The following FBXO47 variants were observed in gnomAD, a reference collection of about 807,000 sequenced individuals.
FBXO47 encodes F-box protein 47, also known as F-box only protein 47.
A neutral mutation model predicts 53.9 loss-of-function variants in FBXO47; 34 were observed. The ratio of observed to expected loss-of-function variants is 0.63; its 90% confidence interval spans 0.48 to 0.84. The LOEUF (loss-of-function observed/expected upper bound fraction) is 0.84. FBXO47 is among the 40% of genes least tolerant of loss of function. FBXO47 has a pLI of 0.00. For synonymous variants in FBXO47, 165 were observed against 181.6 expected (o/e 0.91, Z 0.73); for missense variants, 485 against 541.3 (o/e 0.90, Z 1.03).
At position 38,936,547 on chromosome 17, in the gene FBXO47, T is replaced by G. The variant is rs905159908; in HGVS notation, c.*628A>C. The G allele has an allele frequency of 6.6e-6, 1 of 152,206 alleles. No homozygotes were observed. The highest frequency in any genetic ancestry group is 1.5e-5 in the Non-Finnish European group (1 of 68,046). 9.4% of individuals were successfully genotyped at this position (152,206 alleles called of 1,614,324 possible). On this transcript the variant is annotated 3_prime_UTR_variant, in exon 11 of 11. Coordinates refer to ENST00000378079, the MANE Select transcript of FBXO47 (RefSeq NM_001008777.3). ...TACCTTCCTGTATGTATAGACCTTT[T>G]GTATGATTACCTTAAAGAAGGAAAT... is the stretch of plus-strand genomic sequence containing the variant.
chr17:38,944,886 CTAAA>C, intron 7 of FBXO47, 70 bp downstream of exon 7: 3 of 812,858 alleles, frequency 3.7e-6, no homozygotes, highest in African/African-American at 2.2e-5. Flanking sequence ...TATATGCTTC[CTAAA>C]TATATATATG....
chr17:38,945,132 A>T lies in FBXO47; in HGVS notation c.621T>A (p.Ser207Arg), dbSNP rs755227878. The T allele has an allele frequency of 6.2e-7, 1 of 1,606,882 alleles. No individual in the cohort carries two copies. Among genetic ancestry groups the T allele is most frequent in the Non-Finnish European group, 8.5e-7 (1 of 1,173,906 alleles). The part of the protein sequence containing the change: ...IQMAVCSKPG[S>R]AQKLELRIRL... ...TGATTCTTAACTCCAGTTTTTGGGC[A>T]CTTCCTATGAAGACAAAAGAATTGT... Residue 207 changes from serine (S) to arginine (R), a missense_variant, in exon 7 of 11, where the codon AGT (serine) becomes AGA (arginine). Transcript: ENST00000378079.
Position 38,962,683 on chromosome 17 carries a change from T to G in FBXO47, c.181+162A>C, listed in dbSNP as rs536160094. Among the ~76,000 whole-genome samples, 3 of 151,010 alleles carry G rather than the reference T, an allele frequency of 2.0e-5. No individual in the cohort carries two copies. In the East Asian group the frequency reaches 5.8e-4, roughly 29 times the overall value. ...TAAGTATTGTGCTTTCTCATTGTAC[T>G]CCTTACCTGACAATAATGAAACTTT... On this transcript the variant is annotated intron_variant, in intron 2 of 10. Transcript: ENST00000378079.
intron 1 of FBXO47, among the ~76,000 whole-genome samples, chr17:38,965,377 G>A (rs1165832298): frequency 6.6e-6 from 1 of 151,992 alleles, no homozygotes; most frequent in Non-Finnish European, 1.5e-5. Context: ...AATTGCTAAA[G>A]TAACATTGTT....
chr17:38,945,284 T>TA (rs1010454213), intron 6 of FBXO47, 148 bp from the exon 7 acceptor site: 12 of 587,996 alleles, frequency 2.0e-5, no homozygotes, highest in Admixed American at 3.1e-5. Flanking sequence ...TATCTATTCT[T>TA]AAACTCCCCT....
At chr17:38,949,496 C>T (rs1598143508) in intron 6 of FBXO47, among the ~76,000 whole-genome samples, 1 of 152,192 alleles carries the variant, frequency 6.6e-6, no homozygotes, top group East Asian at 1.9e-4. Context: ...GCACAAGTTT[C>T]TGTGTGGTCA....
At chr17:38,948,686 G>A (rs142927480) in intron 6 of FBXO47, among the ~76,000 whole-genome samples, 1 of 151,798 alleles carries the variant, frequency 6.6e-6, no homozygotes, top group African/African-American at 2.4e-5. Flanking sequence ...TGCAAGATGT[G>A]CAGGTTACAC....
chr17:38,937,296 T>C lies in FBXO47; in HGVS notation c.1244-6A>G, dbSNP rs1476689037. 3 of 1,308,624 alleles carry C rather than the reference T, an allele frequency of 2.3e-6. No individual in the cohort carries two copies. The highest frequency in any genetic ancestry group is 3.2e-6 in the Non-Finnish European group (3 of 926,606). 81.1% of individuals were successfully genotyped at this position (1,308,624 alleles called of 1,614,324 possible). Reference sequence around the variant, plus strand: ...GTCATCTTCATCACGGTCTCCTATATGCCATACATAGTGGGGAAAAGAAAA... The same window carrying C: ...GTCATCTTCATCACGGTCTCCTATACGCCATACATAGTGGGGAAAAGAAAA... On this transcript the variant is annotated splice_region_variant and splice_polypyrimidine_tract_variant and intron_variant, in intron 10 of 10. Transcript: ENST00000378079.
At chr17:38,966,504 A>C (rs1906139507) in intron 1 of FBXO47, among the ~76,000 whole-genome samples, 1 of 152,170 alleles carries the variant, frequency 6.6e-6, no homozygotes, top group Non-Finnish European at 1.5e-5. Context: ...CCCGGCCAAC[A>C]CAGTAGGTGT....
intron 6 of FBXO47, among the ~76,000 whole-genome samples, chr17:38,950,462 A>ATTTT (rs71352328): frequency 7.8e-6 from 1 of 128,534 alleles, no homozygotes; most frequent in Non-Finnish European, 1.7e-5. Context: ...TGCCCGCCTA[A>ATTTT]TTTTTTTTTT....
intron 6 of FBXO47, among the ~76,000 whole-genome samples, chr17:38,946,382 A>ATATAGATATATATATAAC (rs1904839527): frequency 2.4e-5 from 2 of 84,906 alleles, no homozygotes; most frequent in African/African-American, 1.2e-4. Context: ...ATATATATAA[A>ATATAGATATATATATAAC]TATATATATC....
intron 10 of FBXO47, among the ~76,000 whole-genome samples, chr17:38,938,246 T>C (rs1157989492): frequency 6.6e-6 from 1 of 152,160 alleles, no homozygotes; most frequent in Non-Finnish European, 1.5e-5. Context: ...CTAGTGACAG[T>C]TGGTAAGTGA....
At chr17:38,939,133 A>T (rs1201262073) in intron 9 of FBXO47, among the ~76,000 whole-genome samples, 1 of 150,646 alleles carries the variant, frequency 6.6e-6, no homozygotes, top group African/African-American at 2.5e-5. Flanking sequence ...GTCTCTACTA[A>T]AATACAAAAA....
intron 6 of FBXO47, among the ~76,000 whole-genome samples, chr17:38,947,751 T>C (rs1268869008): frequency 1.3e-5 from 2 of 151,930 alleles, no homozygotes; most frequent in South Asian, 2.1e-4. Flanking sequence ...TTACTAAAAA[T>C]ACAAAAAAAT....
At chr17:38,950,847 AT>A (rs1905239878) in intron 6 of FBXO47, among the ~76,000 whole-genome samples, 1 of 152,098 alleles carries the variant, frequency 6.6e-6, no homozygotes, top group Non-Finnish European at 1.5e-5. Flanking sequence ...CTTATTCGAT[AT>A]TTATCATTCC....
Position 38,963,134 on chromosome 17 carries a change from T to C in FBXO47, c.-26-83A>G, listed in dbSNP as rs73301157. 5,796 of 861,394 alleles carry C rather than the reference T, an allele frequency of 6.7e-3. 241 individuals are homozygous for C. The African/African-American group carries it at 0.089, about 13-fold the overall frequency. The allele number at this position is 861,394 out of a possible 1,614,324, so 53.4% of individuals were successfully genotyped here. A position where few individuals can be genotyped will look rare whatever the true frequency, so the allele number is the denominator to read the frequency against. Reference sequence around the variant, plus strand: ...AGATTTTTTTTTTTAAACGAAGAGGTTGATAGTACGATATGCAATAGCTGT... The same window carrying C: ...AGATTTTTTTTTTTAAACGAAGAGGCTGATAGTACGATATGCAATAGCTGT... On this transcript the variant is annotated intron_variant, in intron 1 of 10. Coordinates refer to ENST00000378079, the MANE Select transcript of FBXO47 (RefSeq NM_001008777.3).
chr17:38,959,194 GACTA>G (rs747794016), intron 3 of FBXO47, among the ~76,000 whole-genome samples: 40 of 151,314 alleles, frequency 2.6e-4, no homozygotes, highest in Non-Finnish European at 3.8e-4. Context: ...ACCCTTTAGA[GACTA>G]ACTTTTTTAA....
At chr17:38,962,651 A>T (rs899038550) in intron 2 of FBXO47, among the ~76,000 whole-genome samples, 194 bp downstream of exon 2, 8 of 148,970 alleles carry the variant, frequency 5.4e-5, no homozygotes, top group South Asian at 4.2e-4. Context: ...TAATAATAAT[A>T]ATTATTTAAG....
At position 38,944,981 on chromosome 17, in the gene FBXO47, C is replaced by T. The variant is rs1309881377; in HGVS notation, c.772G>A (p.Gly258Arg). ...NQARLLYIIF[G>R]PISPQDGQVV... ...TCACCATCTTGAGGAGATATTGGCC[C>T]AAAGATGATATACAGTAATCTTGCC... The change falls in exon 7 of 11, where the codon GGG (glycine) becomes AGG (arginine). Residue 258 changes from glycine to arginine, a missense_variant. Coordinates refer to ENST00000378079, the MANE Select transcript of FBXO47 (RefSeq NM_001008777.3). 4 of 1,613,792 alleles carry T rather than the reference C, an allele frequency of 2.5e-6. No homozygotes were observed. Among genetic ancestry groups the T allele is most frequent in the Non-Finnish European group, 3.4e-6 (4 of 1,179,890 alleles).
Sources: gnomAD v4.1 joint callset for allele counts (sites outside exome capture counted in the v4.1 genomes callset) on GRCh38, gnomAD v4.1.1 for gene constraint, MANE v1.5 for transcripts, NCBI Gene and HGNC (gene_info 2026-07-23, HGNC 2026-07-21) for gene names.